BABAM2: variants seen among roughly 807,000 people sequenced by gnomAD.
BABAM2 encodes the protein BRISC and BRCA1 A complex member 2, also known as BRISC and BRCA1-A complex member 2.
Under a neutral mutation model 54.7 loss-of-function variants are expected in BABAM2, and 31 were observed. The observed-to-expected ratio is 0.57, with a 90% CI of 0.43 to 0.77. The LOEUF is 0.77. BABAM2 is among the 30% of genes least tolerant of loss of function. BABAM2 has a pLI of 0.00. For missense variants in BABAM2, 364 were observed against 455.8 expected (o/e 0.80, Z 1.83); for synonymous variants, 167 against 162.9 (o/e 1.03, Z -0.19).
chr2:28,183,589 A>G (rs1159395424), intron 7 of BABAM2, among the ~76,000 whole-genome samples: 1 of 152,200 alleles, frequency 6.6e-6, no homozygotes, highest in East Asian at 1.9e-4. Context: ...TCTCCAGCTC[A>G]GCCACCTTAT....
intron 10 of BABAM2, among the ~76,000 whole-genome samples, chr2:28,294,277 G>C (rs961029659): frequency 6.6e-6 from 1 of 152,062 alleles, no homozygotes; most frequent in African/African-American, 2.4e-5. Flanking sequence ...CTACTTGGGA[G>C]GCTGAGGCAA....
At chr2:27,915,169 G>A (rs1273982547) in intron 2 of BABAM2, among the ~76,000 whole-genome samples, 1 of 152,168 alleles carries the variant, frequency 6.6e-6, no homozygotes, top group African/African-American at 2.4e-5. Context: ...AAGAAATGAA[G>A]TAGCCCGGTG....
At chr2:28,205,731 C>A (rs1181701796) in intron 7 of BABAM2, among the ~76,000 whole-genome samples, 1 of 152,056 alleles carries the variant, frequency 6.6e-6, no homozygotes, top group Non-Finnish European at 1.5e-5. Context: ...AGCTAAGTAA[C>A]TTTGCTTGTT....
At chr2:28,219,531 GGGTAAAAAATTCATA>G (rs1260461149) in intron 7 of BABAM2, among the ~76,000 whole-genome samples, 1 of 152,094 alleles carries the variant, frequency 6.6e-6, no homozygotes, top group African/African-American at 2.4e-5. Flanking sequence ...TAGCCATGTA[GGGTAAAAAATTCATA>G]GCTTCCAGAA....
At chr2:28,218,280 C>T (rs1163223713) in intron 7 of BABAM2, among the ~76,000 whole-genome samples, 2 of 152,202 alleles carry the variant, frequency 1.3e-5, no homozygotes, top group East Asian at 3.9e-4. Context: ...ATCATTGACA[C>T]AGTACTATTA....
At chr2:28,163,592 G>T (rs1259721542) in intron 7 of BABAM2, among the ~76,000 whole-genome samples, 1 of 152,148 alleles carries the variant, frequency 6.6e-6, no homozygotes, top group African/African-American at 2.4e-5. Context: ...ATGAAAAACT[G>T]AGAGCCATGG....
chr2:28,285,484 T>C (rs1686714145), intron 10 of BABAM2, among the ~76,000 whole-genome samples: 1 of 152,168 alleles, frequency 6.6e-6, no homozygotes, highest in Non-Finnish European at 1.5e-5. Flanking sequence ...TTGGAAAGGA[T>C]AATGTAGAAA....
chr2:27,976,598 T>C (rs1671624801), intron 3 of BABAM2, among the ~76,000 whole-genome samples: 1 of 152,122 alleles, frequency 6.6e-6, no homozygotes, highest in South Asian at 2.1e-4. Context: ...GAAGACATAT[T>C]GGAGAGTGAT....
At position 28,076,485 on chromosome 2, in the gene BABAM2, G is replaced by GTTAT. The variant is rs59788137; in HGVS notation, c.570+30689_570+30690insTTTA. ...ATTTATTTATTTATTTATTTATTTAGTTAGTTAGTTAGTTAGTTAGTTATT... is the reference window on the plus strand; with the variant it reads ...ATTTATTTATTTATTTATTTATTTAGTTATTTAGTTAGTTAGTTAGTTAGTTATT... On this transcript the variant is annotated intron_variant, in intron 6 of 11. Transcript: ENST00000379624. Among the ~76,000 whole-genome samples the GTTAT allele has an allele frequency of 6.0e-5, 8 of 133,988 alleles. No homozygotes were observed. In the South Asian group the frequency reaches 7.5e-4, roughly 13 times the overall value. The allele number at this position is 133,988 out of a possible 152,430, so 87.9% of individuals were successfully genotyped here. A position where few individuals can be genotyped will look rare whatever the true frequency, so the allele number is the denominator to read the frequency against.
intron 3 of BABAM2, among the ~76,000 whole-genome samples, chr2:27,937,705 A>G (rs565393718): frequency 6.6e-6 from 1 of 152,296 alleles, no homozygotes; most frequent in East Asian, 1.9e-4. Flanking sequence ...TATTCCACAT[A>G]TTAACCTCTT....
intron 2 of BABAM2, among the ~76,000 whole-genome samples, chr2:27,912,621 C>G (rs1250636681): frequency 6.6e-6 from 1 of 152,146 alleles, no homozygotes; most frequent in African/African-American, 2.4e-5. Flanking sequence ...TAGATGATCT[C>G]TTTAGAAGGC....
chr2:28,057,939 C>T (rs1261559196), intron 6 of BABAM2, among the ~76,000 whole-genome samples: 5 of 151,872 alleles, frequency 3.3e-5, no homozygotes, highest in African/African-American at 1.2e-4. Flanking sequence ...GTCAAGAGAT[C>T]GAGACCATCC....
chr2:28,260,305 T>C (rs1370008610), intron 10 of BABAM2, among the ~76,000 whole-genome samples: 81 of 146,480 alleles, frequency 5.5e-4, no homozygotes, highest in African/African-American at 1.9e-3. Context: ...TTTTCTTTTT[T>C]TTTTTTTTTT....
intron 5 of BABAM2, among the ~76,000 whole-genome samples, chr2:28,032,762 C>T (rs1292417384): frequency 6.6e-6 from 1 of 151,996 alleles, no homozygotes; most frequent in Admixed American, 6.6e-5. Flanking sequence ...GACTTTTCTG[C>T]CTGCATGCTC....
intron 10 of BABAM2, among the ~76,000 whole-genome samples, chr2:28,274,588 G>A (rs1685708243): frequency 1.3e-5 from 2 of 152,038 alleles, no homozygotes; most frequent in Non-Finnish European, 2.9e-5. Flanking sequence ...CACCCACCAT[G>A]CCCAGCTAAT....
chr2:27,951,205 C>T (rs777597506), intron 3 of BABAM2, among the ~76,000 whole-genome samples: 3 of 152,168 alleles, frequency 2.0e-5, no homozygotes, highest in Non-Finnish European at 4.4e-5. Context: ...TTCACTTGCT[C>T]TTCTTTTCGT....
intron 3 of BABAM2, among the ~76,000 whole-genome samples, chr2:27,972,446 A>G (rs908100730): frequency 3.9e-5 from 6 of 152,204 alleles, no homozygotes; most frequent in Non-Finnish European, 7.3e-5. Context: ...ATAGTCATGG[A>G]AAATTAAGTG....
At chr2:28,097,469 T>G (rs1415167799) in intron 6 of BABAM2, among the ~76,000 whole-genome samples, 1 of 152,198 alleles carries the variant, frequency 6.6e-6, no homozygotes, top group Non-Finnish European at 1.5e-5. Context: ...TTTATCAAGT[T>G]GTACATTTTT....
At chr2:28,316,223 C>G (rs990133205) in intron 11 of BABAM2, among the ~76,000 whole-genome samples, 3 of 152,122 alleles carry the variant, frequency 2.0e-5, no homozygotes, top group Admixed American at 1.3e-4. Context: ...CCAGAACAAA[C>G]CTGTTCCCCA....
Sources: allele counts gnomAD v4.1 joint callset (sites outside exome capture counted in the v4.1 genomes callset), GRCh38; gene constraint gnomAD v4.1.1; transcripts MANE v1.5; gene names NCBI Gene and HGNC (gene_info 2026-07-23, HGNC 2026-07-21).